The following MYO7A variants were observed in gnomAD, a reference collection of about 807,000 sequenced individuals.
The protein encoded by MYO7A is unconventional myosin-VIIa.
MYO7A carries 210 observed loss-of-function variants against 263.8 expected under a neutral mutation model. That is an observed-to-expected ratio of 0.80 (90% CI 0.71 to 0.89). The LOEUF is 0.89. Among genes scored for constraint, MYO7A ranks in the 40% least tolerant of loss-of-function variants. The probability of loss-of-function intolerance (pLI) is 0.00; values close to 1 mark genes in which losing one functional copy is unlikely to be tolerated. For synonymous variants in MYO7A, 1,239 were observed against 1,197.3 expected (o/e 1.03, Z -0.72); for missense variants, 2,820 against 2,968.3 (o/e 0.95, Z 1.16).
intron 4 of MYO7A, among the ~76,000 whole-genome samples, chr11:77,148,581 T>A (rs1951746277): frequency 6.6e-6 from 1 of 152,164 alleles, no homozygotes; most frequent in African/African-American, 2.4e-5. Context: ...TGGAGATCAT[T>A]TACTCTAGAG....
chr11:77,154,980 G>A (rs753689994), intron 4 of MYO7A, among the ~76,000 whole-genome samples: 1 of 152,174 alleles, frequency 6.6e-6, no homozygotes, highest in African/African-American at 2.4e-5. Flanking sequence ...TGAATGGGAG[G>A]GGGAGGGCAG....
intron 24 of MYO7A, 21 bp downstream of exon 24, chr11:77,182,175 G>T: frequency 1.2e-6 from 2 of 1,612,384 alleles, no homozygotes; most frequent in Non-Finnish European, 1.7e-6. Flanking sequence ...CCTGTCACTA[G>T]GTCACTGCTG....
At chr11:77,135,734 T>C (rs1950885665) in intron 2 of MYO7A, among the ~76,000 whole-genome samples, 1 of 125,234 alleles carries the variant, frequency 8.0e-6, no homozygotes, top group Non-Finnish European at 1.6e-5. Flanking sequence ...CCAATACTTA[T>C]TTTCTGTTTT....
In MYO7A at chr11:77,211,146, T is replaced by A; in HGVS notation, c.6052-6T>A. 1.3e-6 allele frequency: 2 copies of A among 1,565,476 alleles called. No homozygotes were observed. The highest frequency in any genetic ancestry group is 1.7e-6 in the Non-Finnish European group (2 of 1,153,602). On this transcript the variant is annotated splice_region_variant and splice_polypyrimidine_tract_variant and intron_variant, in intron 44 of 48. Coordinates refer to ENST00000409709, the MANE Select transcript of MYO7A (RefSeq NM_000260.4). ...GCACGCCTGTGACCTGCTCTGTCTC[T>A]GACAGGAGTTGCCCAAGTATCTCCG...
intron 41 of MYO7A, 24 bp from the exon 42 acceptor site, chr11:77,207,265 C>T (rs752000301): frequency 2.4e-5 from 38 of 1,552,524 alleles, no homozygotes; most frequent in South Asian, 2.4e-4. Flanking sequence ...CCTGCAGGAG[C>T]CCAGTGCTCA....
At chr11:77,180,769 G>A (rs572686010) in intron 22 of MYO7A, among the ~76,000 whole-genome samples, 55 of 152,302 alleles carry the variant, frequency 3.6e-4, no homozygotes, top group Middle Eastern at 3.4e-3. Flanking sequence ...GCCAGCTGAC[G>A]GCACGAGGGT....
Position 77,183,169 on chromosome 11 carries a change from C to G in MYO7A, c.3375+12C>G. 6.4e-7 allele frequency: 1 copy of G among 1,550,548 alleles called. No homozygotes were observed. The highest frequency in any genetic ancestry group is 2.4e-5 in the East Asian group (1 of 40,940). On this transcript the variant is annotated intron_variant, in intron 26 of 48. Transcript: ENST00000409709. Reference sequence around the variant, plus strand: ...AGCTCACAGAGGAGGTGAGGGCAGACGCTGGGGGTCTGGCAGCCCAGGGGT... The same window carrying G: ...AGCTCACAGAGGAGGTGAGGGCAGAGGCTGGGGGTCTGGCAGCCCAGGGGT...
At chr11:77,202,252 G>C (rs373916602) in intron 36 of MYO7A, 48 bp from the exon 37 acceptor site, 109 of 1,535,040 alleles carry the variant, frequency 7.1e-5, no homozygotes, top group Non-Finnish European at 9.2e-5. Flanking sequence ...TGATCCTGGT[G>C]GCCACAGGTA....
intron 27 of MYO7A, chr11:77,184,917 A>C (rs1955551343): frequency 5.7e-6 from 5 of 881,140 alleles, no homozygotes; most frequent in Admixed American, 2.0e-5. Context: ...GAATCCTAAA[A>C]CAGGCATCCC....
rs1555077355 is a variant in MYO7A at position 77,172,892 on chromosome 11, G to A, written c.1935+7G>A. 4 of 1,545,314 alleles carry A rather than the reference G, an allele frequency of 2.6e-6. No homozygotes were observed. The highest frequency in any genetic ancestry group is 3.5e-6 in the Non-Finnish European group (4 of 1,141,718). On this transcript the variant is annotated splice_region_variant and intron_variant, in intron 16 of 48. Transcript: ENST00000409709. ...TGAGTTCAAGAAGCCCATGGTGAGT[G>A]GCCCTGGCCTGGGGTTGGCGGGTGG... is the stretch of plus-strand genomic sequence containing the variant.
rs546166571 is a variant in MYO7A, at chr11:77,209,572, G to A, written c.6051+769G>A. ...CTGCCCACTGAGTGCATGGCCCCTG[G>A]ACTACCAGTTCCCCCAGAGTCAGCC... On this transcript the variant is annotated intron_variant, in intron 44 of 48. Coordinates refer to ENST00000409709, the MANE Select transcript of MYO7A (RefSeq NM_000260.4). Among the ~76,000 whole-genome samples, 487 of 151,144 alleles carry A rather than the reference G, an allele frequency of 3.2e-3. 1 individual carries two copies. Among genetic ancestry groups the A allele is most frequent in the Admixed American group, 6.5e-3 (99 of 15,210 alleles).
At chr11:77,142,668 C>A in intron 2 of MYO7A, 41 bp from the exon 3 acceptor site, 1 of 1,543,000 alleles carries the variant, frequency 6.5e-7, no homozygotes, top group South Asian at 1.2e-5. Flanking sequence ...CTCCAATCCC[C>A]CTCCCTGCTC....
At chr11:77,201,778 G>A (rs530629897) in intron 36 of MYO7A, 140 bp downstream of exon 36, 8 of 1,010,852 alleles carry the variant, frequency 7.9e-6, no homozygotes, top group Non-Finnish European at 1.1e-5. Flanking sequence ...CACATTTAAA[G>A]TTGGGGCAGT....
intron 27 of MYO7A, chr11:77,185,043 A>T (rs1955562110): frequency 2.2e-6 from 1 of 460,830 alleles, no homozygotes; most frequent in Non-Finnish European, 4.0e-6. Context: ...ACTATACTAT[A>T]GTCTATGAAG....
chr11:77,161,974 C>A, intron 12 of MYO7A, 146 bp from the exon 13 acceptor site: 1 of 765,792 alleles, frequency 1.3e-6, no homozygotes, highest in Non-Finnish European at 2.1e-6. Context: ...GGGAGGTGGA[C>A]TTGACAATTC....
Position 77,165,928 on chromosome 11 carries a change from G to C in MYO7A, c.1691-128G>C, listed in dbSNP as rs528072871. On this transcript the variant is annotated intron_variant, in intron 14 of 48. Coordinates refer to ENST00000409709, the MANE Select transcript of MYO7A (RefSeq NM_000260.4). ...AAGTCTCTGTCCCCTCCAGGCCTCA[G>C]GGCCCCCGTCATGAAATGGATGTGG... 3.8e-3 allele frequency: 2,384 copies of C among 632,090 alleles called. 13 individuals are homozygous for C. Among genetic ancestry groups the C allele is most frequent in the Non-Finnish European group, 5.6e-3 (2,063 of 369,176 alleles). 39.2% of individuals were successfully genotyped at this position (632,090 alleles called of 1,614,324 possible).
chr11:77,172,366 G>A (rs1555076589), intron 15 of MYO7A, among the ~76,000 whole-genome samples: 1 of 152,200 alleles, frequency 6.6e-6, no homozygotes, highest in African/African-American at 2.4e-5. Context: ...GTGTCCTGAG[G>A]TGACCAAGTC....
chr11:77,197,374 G>C (rs1956741018), intron 32 of MYO7A, 107 bp from the exon 33 acceptor site: 1 of 786,292 alleles, frequency 1.3e-6, no homozygotes, highest in African/African-American at 1.7e-5. Flanking sequence ...TGCACAGGAG[G>C]TGCAGGAGCC....
Position 77,177,589 on chromosome 11 carries a change from C to A in MYO7A, c.2228C>A (p.Ala743Asp). The change falls in exon 19 of 49, where the codon GCC becomes GAC. Residue 743 changes from alanine (A) to aspartate (D), a missense_variant. Coordinates refer to ENST00000409709, the MANE Select transcript of MYO7A (RefSeq NM_000260.4). Reference sequence around the variant, plus strand: ...CTGCTGGAAGTGGAGCGGGACAAAGCCATCACCGACAGAGTCATCCTCCTT... The same window carrying A: ...CTGCTGGAAGTGGAGCGGGACAAAGACATCACCGACAGAGTCATCCTCCTT... ...DMLLEVERDK[A>D]ITDRVILLQK... is the part of the protein sequence containing the mutation. 1 of 1,612,302 alleles carries A rather than the reference C, an allele frequency of 6.2e-7. No homozygotes were observed. The highest frequency in any genetic ancestry group is 8.5e-7 in the Non-Finnish European group (1 of 1,179,432).
Sources: gnomAD v4.1 joint callset for allele counts (sites outside exome capture counted in the v4.1 genomes callset) on GRCh38, gnomAD v4.1.1 for gene constraint, MANE v1.5 for transcripts, NCBI Gene and HGNC (gene_info 2026-07-23, HGNC 2026-07-21) for gene names.